Variants in ASNS observed in about 807,000 individuals in gnomAD.
The protein encoded by ASNS is asparagine synthetase [glutamine-hydrolyzing].
In ASNS, 37 loss-of-function variants were observed where a neutral mutation model predicts 62.6. That is an observed-to-expected ratio of 0.59 (90% CI 0.45 to 0.78). ASNS has a LOEUF of 0.78. ASNS is among the 30% of genes least tolerant of loss of function. ASNS has a pLI of 0.00. For missense variants in ASNS, 520 were observed against 682.4 expected (o/e 0.76, Z 2.65); for synonymous variants, 207 against 237.9 (o/e 0.87, Z 1.19).
chr7:97,923,452 G>T, the ASNS span, among the ~76,000 whole-genome samples: 3 of 152,022 alleles, frequency 2.0e-5, no homozygotes, highest in African/African-American at 4.8e-5. Flanking sequence ...ATGGTGGCAC[G>T]CACCTGCATT....
the ASNS span, among the ~76,000 whole-genome samples, chr7:97,880,626 C>T: frequency 6.6e-6 from 1 of 152,168 alleles, no homozygotes; most frequent in South Asian, 2.1e-4. Flanking sequence ...AGATGGGGAG[C>T]TACCTGGTTA....
the ASNS span, among the ~76,000 whole-genome samples, chr7:97,892,620 A>G: frequency 1.3e-5 from 2 of 151,060 alleles, no homozygotes; most frequent in Admixed American, 6.6e-5. Flanking sequence ...TCAAGTTCAA[A>G]TACCCTATCA....
At chr7:97,887,516 A>C in the ASNS span, among the ~76,000 whole-genome samples, 1 of 152,314 alleles carries the variant, frequency 6.6e-6, no homozygotes, top group African/African-American at 2.4e-5. Flanking sequence ...AGCTTTGGCC[A>C]CTGGAATATT....
intron 4 of ASNS, among the ~76,000 whole-genome samples, chr7:97,862,310 A>G (rs1348047604): frequency 6.6e-6 from 1 of 152,218 alleles, no homozygotes; most frequent in Middle Eastern, 3.2e-3. Flanking sequence ...GAAAAAACAC[A>G]GAAGAACTAT....
chr7:97,854,547 T>C, intron 10 of ASNS, 33 bp downstream of exon 10: 1 of 1,588,944 alleles, frequency 6.3e-7, no homozygotes, highest in South Asian at 1.2e-5. Flanking sequence ...TGTTTTTTTG[T>C]TTTTGTTTTA....
intron 9 of ASNS, 112 bp downstream of exon 9, chr7:97,855,241 T>G (rs928192300): frequency 2.6e-6 from 2 of 762,466 alleles, no homozygotes; most frequent in Admixed American, 2.5e-5. Context: ...TTTTGTAACC[T>G]CACAAGATAC....
chr7:97,864,144 T>C, intron 4 of ASNS, 115 bp downstream of exon 4: 1 of 902,642 alleles, frequency 1.1e-6, no homozygotes, highest in South Asian at 1.8e-5. Flanking sequence ...TAAAGACTCA[T>C]AACTTAGTCA....
intron 7 of ASNS, among the ~76,000 whole-genome samples, chr7:97,857,769 T>C (rs1451842593): frequency 2.0e-5 from 3 of 151,880 alleles, no homozygotes; most frequent in Admixed American, 6.6e-5. Flanking sequence ...TGTGTGCCAC[T>C]GCACCTGACT....
chr7:97,854,660 G>A lies in ASNS; in HGVS notation c.1158C>T (p.Ala386=), dbSNP rs181790702. Residue 386 remains alanine, a synonymous_variant, in exon 10 of 13, where the codon GCC becomes GCT. Transcript: ENST00000394308. ...TCAGAAGCCTCTCACTCTCCTCCTC[G>A]GCTTTTTCAGGAGAAGGAGCCTATT... ...YFHKAPSPEK[A]EEESERLLRE... The A allele has an allele frequency of 7.4e-5, 120 of 1,613,942 alleles. No individual in the cohort carries two copies. The highest frequency in any genetic ancestry group is 9.0e-5 in the Non-Finnish European group (106 of 1,179,976).
chr7:97,888,630 G>A, the ASNS span, among the ~76,000 whole-genome samples: 1 of 152,160 alleles, frequency 6.6e-6, no homozygotes, highest in African/African-American at 2.4e-5. Context: ...TAGATTCTGA[G>A]CTTATCATTT....
chr7:97,906,278 G>A, the ASNS span, among the ~76,000 whole-genome samples: 2 of 151,842 alleles, frequency 1.3e-5, no homozygotes, highest in Non-Finnish European at 1.5e-5. Flanking sequence ...CCGTCGCCCT[G>A]CCATTGTTAG....
the ASNS span, among the ~76,000 whole-genome samples, chr7:97,890,267 A>G: frequency 6.6e-6 from 1 of 152,196 alleles, no homozygotes; most frequent in Non-Finnish European, 1.5e-5. Flanking sequence ...GTAAAGGCAT[A>G]GAAAACCTAT....
At chr7:97,896,731 C>CATATATATATATATAT in the ASNS span, among the ~76,000 whole-genome samples, 2 of 27,862 alleles carry the variant, frequency 7.2e-5, no homozygotes, top group African/African-American at 1.8e-4. Context: ...CACACACACA[C>CATATATATATATATAT]ACACACACAC....
the ASNS span, among the ~76,000 whole-genome samples, chr7:97,923,031 C>A: frequency 6.6e-6 from 1 of 152,112 alleles, no homozygotes; most frequent in Non-Finnish European, 1.5e-5. Flanking sequence ...CTTAGGTGAT[C>A]CGCCAGCCTC....
intron 3 of ASNS, among the ~76,000 whole-genome samples, chr7:97,866,721 T>G (rs1584474193): frequency 6.6e-6 from 1 of 152,312 alleles, no homozygotes; most frequent in Non-Finnish European, 1.5e-5. Context: ...TGCTTCACAC[T>G]CCATCCAACT....
At chr7:97,859,911 C>T (rs1394044674) in intron 4 of ASNS, among the ~76,000 whole-genome samples, 2 of 152,326 alleles carry the variant, frequency 1.3e-5, no homozygotes, top group East Asian at 1.9e-4. Context: ...TATCCCTTAA[C>T]TAGTTGTTAT....
At chr7:97,927,339 C>CTAAGT in the ASNS span, among the ~76,000 whole-genome samples, 1 of 152,268 alleles carries the variant, frequency 6.6e-6, no homozygotes, top group South Asian at 2.1e-4. Context: ...AGGCACAACG[C>CTAAGT]TAAGTCTTTC....
the ASNS span, among the ~76,000 whole-genome samples, chr7:97,891,363 A>G: frequency 6.6e-6 from 1 of 152,170 alleles, no homozygotes; most frequent in Non-Finnish European, 1.5e-5. Context: ...GGGTGGGGAC[A>G]CAACCAAACT....
the ASNS span, among the ~76,000 whole-genome samples, chr7:97,914,074 C>G: frequency 1.9e-5 from 2 of 107,200 alleles, no homozygotes; most frequent in East Asian, 6.6e-4. Flanking sequence ...TAGCTGGGTG[C>G]ATAAGAGAGT....
Sources: allele counts gnomAD v4.1 joint callset (sites outside exome capture counted in the v4.1 genomes callset), GRCh38; gene constraint gnomAD v4.1.1; transcripts MANE v1.5; gene names NCBI Gene and HGNC (gene_info 2026-07-23, HGNC 2026-07-21).